The following CBY1 variants were observed in gnomAD, a reference collection of about 807,000 sequenced individuals.
CBY1 encodes the protein chibby 1, beta catenin antagonist.
Under a neutral mutation model 15.6 loss-of-function variants are expected in CBY1, and 10 were observed. The ratio of observed to expected loss-of-function variants is 0.64; its 90% CI spans 0.40 to 1.09. The LOEUF is 1.09. CBY1 is among the 50% of genes least tolerant of loss of function. The pLI is 0.01. For synonymous variants in CBY1, 61 were observed against 63.5 expected (o/e 0.96, Z 0.19); for missense variants, 150 against 160.5 (o/e 0.93, Z 0.35).
At chr22:38,673,079 C>T (rs1378928653) in intron 4 of CBY1, 80 bp from the exon 5 acceptor site, 11 of 937,260 alleles carry the variant, frequency 1.2e-5, no homozygotes, top group South Asian at 8.2e-5. Context: ...GCCTTTCCTC[C>T]GTGTGTAGGG....
chr22:38,663,794 G>A (rs1286602562), intron 1 of CBY1, among the ~76,000 whole-genome samples: 1 of 151,842 alleles, frequency 6.6e-6, no homozygotes, highest in Admixed American at 6.6e-5. Flanking sequence ...GGCGGAGGTG[G>A]GTGGATCACT....
chr22:38,661,084 T>C (rs1157312856), intron 1 of CBY1, among the ~76,000 whole-genome samples: 9 of 152,040 alleles, frequency 5.9e-5, no homozygotes, highest in African/African-American at 2.2e-4. Context: ...AGCACTCTGG[T>C]TTGTCCAAGT....
At chr22:38,666,253 C>G (rs926636359) in intron 1 of CBY1, among the ~76,000 whole-genome samples, 1 of 140,580 alleles carries the variant, frequency 7.1e-6, no homozygotes, top group Non-Finnish European at 1.6e-5. Flanking sequence ...CTTTTTTAAC[C>G]TTTTTTTGGT....
intron 4 of CBY1, 68 bp from the exon 5 acceptor site, chr22:38,673,091 C>T (rs949858506): frequency 1.1e-5 from 12 of 1,095,442 alleles, no homozygotes; most frequent in South Asian, 1.3e-5. Context: ...TGTGTAGGGC[C>T]GGCCTTGCTA....
At position 38,671,085 on chromosome 22, in the gene CBY1, G is replaced by A. The variant is rs778003711; in HGVS notation, c.200G>A (p.Gly67Asp). The A allele has an allele frequency of 1.9e-6, 3 of 1,614,130 alleles. No individual in the cohort carries two copies. The highest frequency in any genetic ancestry group is 1.1e-5 in the South Asian group (1 of 91,086). Residue 67 changes from glycine (G) to aspartate (D), a missense_variant, in exon 4 of 5, where the codon GGC becomes GAC. Physicochemically the swap from Gly to Asp is moderately conservative, Grantham distance 94. Transcript: ENST00000216029. ...CTTCCTCCAGAGACAGGGGTTAGTG[G>A]CGGTGTGGACCGGAGGGAGGTTCAG... ...GQWIAETGVS[G>D]GVDRREVQRL...
intron 1 of CBY1, chr22:38,657,212 A>G (rs931805301): frequency 1.7e-6 from 1 of 604,308 alleles, no homozygotes; most frequent in African/African-American, 2.0e-5. Flanking sequence ...GATTAGTATC[A>G]GTATCTGTGG....
Position 38,671,111 on chromosome 22 carries a change from C to T in CBY1, c.226C>T (p.Arg76Cys), listed in dbSNP as rs373171902. The change falls in exon 4 of 5, where the codon CGC becomes TGC. Residue 76 changes from arginine (R) to cysteine (C), a missense_variant. Coordinates refer to ENST00000216029, the MANE Select transcript of CBY1 (RefSeq NM_015373.4). ...SGGVDRREVQ[R>C]LRRRNQQLEE... ...CGGTGTGGACCGGAGGGAGGTTCAG[C>T]GCCTTCGCAGGCGGAACCAGCAGTT... 8 of 1,614,076 alleles carry T rather than the reference C, an allele frequency of 5.0e-6. No homozygotes were observed. Among genetic ancestry groups the T allele is most frequent in the African/African-American group, 2.7e-5 (2 of 74,934 alleles).
intron 1 of CBY1, among the ~76,000 whole-genome samples, chr22:38,660,365 T>G (rs1259367462): frequency 6.6e-6 from 1 of 151,898 alleles, no homozygotes; most frequent in African/African-American, 2.4e-5. Context: ...TGGCTAATTT[T>G]TGTGTTTTTA....
In CBY1 at chr22:38,656,760, C is replaced by T. The variant is rs1284490380; in HGVS notation, c.-39+10C>T. 1 of 152,368 alleles carries T rather than the reference C, an allele frequency of 6.6e-6. No homozygotes were observed. The highest frequency in any genetic ancestry group is 2.1e-4 in the South Asian group (1 of 4,828). 9.4% of individuals were successfully genotyped at this position (152,368 alleles called of 1,614,324 possible). On this transcript the variant is annotated intron_variant, in intron 1 of 4. Coordinates refer to ENST00000216029, the MANE Select transcript of CBY1 (RefSeq NM_015373.4). ...TTCTGGGACGCGTCAGGTACGTCTC[C>T]GAGTCCGGCGTCGCCGGCCAGCGCT...
chr22:38,667,935 A>G, intron 1 of CBY1, 82 bp from the exon 2 acceptor site: 1 of 709,570 alleles, frequency 1.4e-6, no homozygotes. Context: ...CACATGATAA[A>G]ATGTATGTCT....
At chr22:38,670,405 AAAAAGAAAAG>A (rs1250720388) in intron 2 of CBY1, 1 of 153,322 alleles carries the variant, frequency 6.5e-6, no homozygotes, top group Non-Finnish European at 1.5e-5. Flanking sequence ...AAAAAAAAAA[AAAAAGAAAAG>A]AAAAGAATAG....
intron 1 of CBY1, chr22:38,667,680 T>A: frequency 4.6e-6 from 1 of 219,354 alleles, no homozygotes; most frequent in Non-Finnish European, 9.0e-6. Flanking sequence ...TCATCCTGTG[T>A]GAGGCAGAAG....
intron 1 of CBY1, chr22:38,657,029 C>T (rs1321846055): frequency 2.1e-6 from 1 of 474,222 alleles, no homozygotes; most frequent in Non-Finnish European, 2.8e-6. Context: ...GTCCGACAGC[C>T]CTGGGGGCCG....
chr22:38,660,192 T>A, intron 1 of CBY1, among the ~76,000 whole-genome samples: 1 of 152,040 alleles, frequency 6.6e-6, no homozygotes, highest in South Asian at 2.1e-4. Flanking sequence ...TGAAAATGCA[T>A]TTTTTTAACT....
At chr22:38,668,638 T>C (rs1253697264) in intron 2 of CBY1, 1 of 155,258 alleles carries the variant, frequency 6.4e-6, no homozygotes, top group Non-Finnish European at 1.4e-5. Context: ...CCCCAAGTGC[T>C]AGGATTACAG....
chr22:38,663,474 T>A (rs2092427352), intron 1 of CBY1, among the ~76,000 whole-genome samples: 1 of 151,612 alleles, frequency 6.6e-6, no homozygotes, highest in Non-Finnish European at 1.5e-5. Context: ...GGTGGGTGGA[T>A]CACCTGAGGT....
intron 2 of CBY1, among the ~76,000 whole-genome samples, chr22:38,669,385 GATTA>G (rs911778249): frequency 6.6e-5 from 10 of 152,146 alleles, no homozygotes; most frequent in African/African-American, 1.7e-4. Context: ...ATCTAGAATA[GATTA>G]ATTAAAGAGC....
At chr22:38,667,148 C>T (rs2092439030) in intron 1 of CBY1, among the ~76,000 whole-genome samples, 1 of 151,750 alleles carries the variant, frequency 6.6e-6, no homozygotes, top group Non-Finnish European at 1.5e-5. Flanking sequence ...ATAGCTGAGA[C>T]TACAGGCACG....
intron 1 of CBY1, among the ~76,000 whole-genome samples, chr22:38,667,240 G>A (rs926077166): frequency 1.6e-4 from 25 of 152,018 alleles, no homozygotes; most frequent in Admixed American, 1.4e-3. Context: ...TAAACTCCTG[G>A]GCTCAAGTGA....
Sources: allele counts gnomAD v4.1 joint callset (sites outside exome capture counted in the v4.1 genomes callset), GRCh38; gene constraint gnomAD v4.1.1; transcripts MANE v1.5; gene names NCBI Gene and HGNC (gene_info 2026-07-23, HGNC 2026-07-21).